The following CCDC7 variants were observed in gnomAD, a reference collection of about 807,000 sequenced individuals.
CCDC7 encodes coiled-coil domain-containing protein 7.
Under a neutral mutation model 196.9 loss-of-function variants are expected in CCDC7, and 183 were observed. That is an observed-to-expected ratio of 0.93 (90% CI 0.82 to 1.05). The LOEUF is 1.05. CCDC7 is among the 50% of genes least tolerant of loss of function. CCDC7 has a pLI of 0.00. For missense variants in CCDC7, 1,540 were observed against 1,482.2 expected, an observed-to-expected ratio of 1.04 and a Z score of -0.64; for synonymous variants, 525 against 484.6, an observed-to-expected ratio of 1.08 and a Z score of -1.10.
intron 8 of CCDC7, among the ~76,000 whole-genome samples, chr10:32,485,883 C>A (rs2040966123): frequency 1.3e-5 from 2 of 152,238 alleles, no homozygotes; most frequent in Admixed American, 1.3e-4. Flanking sequence ...AATTTCTGTT[C>A]TTTTACATTT....
At chr10:32,663,897 C>A (rs1165044041) in intron 20 of CCDC7, among the ~76,000 whole-genome samples, 157 bp from the exon 22 acceptor site, 1 of 151,846 alleles carries the variant, frequency 6.6e-6, no homozygotes, top group Non-Finnish European at 1.5e-5. Flanking sequence ...AAGTTCTTGT[C>A]ACTATTTTCA....
At chr10:32,593,109 T>C (rs1015495192) in intron 18 of CCDC7, among the ~76,000 whole-genome samples, 2 of 152,238 alleles carry the variant, frequency 1.3e-5, no homozygotes, top group Admixed American at 6.5e-5. Flanking sequence ...TTCTAGATCC[T>C]TGAAGAATCG....
At chr10:32,586,561 A>C (rs1435114934) in intron 18 of CCDC7, among the ~76,000 whole-genome samples, 1 of 152,154 alleles carries the variant, frequency 6.6e-6, no homozygotes, top group African/African-American at 2.4e-5. Flanking sequence ...ATAAGGTGTA[A>C]GGAAGGGATC....
chr10:32,531,430 G>T (rs993145664), intron 11 of CCDC7, among the ~76,000 whole-genome samples: 5 of 152,116 alleles, frequency 3.3e-5, no homozygotes, highest in African/African-American at 4.8e-5. Context: ...AGCCATGAAT[G>T]ATCTTTAAAG....
At chr10:32,773,776 G>C (rs953689883) in intron 28 of CCDC7, among the ~76,000 whole-genome samples, 4 of 152,054 alleles carry the variant, frequency 2.6e-5, no homozygotes, top group African/African-American at 9.7e-5. Flanking sequence ...CCTGCACATT[G>C]AGCTTTTGCA....
chr10:32,511,979 A>G (rs2046291805), intron 9 of CCDC7: 1 of 490,556 alleles, frequency 2.0e-6, no homozygotes. Context: ...GCAGGATAGG[A>G]CAATCATGTT....
At chr10:32,689,830 G>A (rs1273438167) in intron 23 of CCDC7, among the ~76,000 whole-genome samples, 3 of 152,016 alleles carry the variant, frequency 2.0e-5, no homozygotes, top group Non-Finnish European at 4.4e-5. Flanking sequence ...CGCCTCCCGG[G>A]CTCAAGTGAT....
intron 29 of CCDC7, among the ~76,000 whole-genome samples, chr10:32,785,236 T>G (rs1326393167): frequency 1.3e-5 from 2 of 152,316 alleles, no homozygotes; most frequent in East Asian, 3.9e-4. Context: ...GACTACATAT[T>G]AGGCCACACA....
At chr10:32,452,497 G>A (rs1023680697) in intron 1 of CCDC7, among the ~76,000 whole-genome samples, 2 of 152,166 alleles carry the variant, frequency 1.3e-5, no homozygotes, top group Non-Finnish European at 2.9e-5. Context: ...TCGCTCTTTC[G>A]CCCAGGCTGG....
At chr10:32,796,893 T>C (rs1404215870) in intron 29 of CCDC7, among the ~76,000 whole-genome samples, 2 of 152,184 alleles carry the variant, frequency 1.3e-5, no homozygotes, top group East Asian at 1.9e-4. Context: ...TGGTGAAATT[T>C]ACTGGCCTTT....
chr10:32,804,181 C>A (rs1293694127), intron 29 of CCDC7, among the ~76,000 whole-genome samples: 1 of 152,096 alleles, frequency 6.6e-6, no homozygotes, highest in Non-Finnish European at 1.5e-5. Context: ...AAACTTTAGT[C>A]CCAGTAGTTG....
At chr10:32,622,403 C>T (rs1285378513) in intron 18 of CCDC7, among the ~76,000 whole-genome samples, 2 of 151,800 alleles carry the variant, frequency 1.3e-5, no homozygotes, top group African/African-American at 2.4e-5. Context: ...TAACTCCATT[C>T]GAGCCTTCTC....
intron 18 of CCDC7, among the ~76,000 whole-genome samples, chr10:32,600,775 T>C (rs1234901956): frequency 6.6e-6 from 1 of 152,152 alleles, no homozygotes; most frequent in African/African-American, 2.4e-5. Context: ...AATGATACAA[T>C]AATATTGGCT....
At chr10:32,728,366 G>T (rs2083428301) in intron 26 of CCDC7, among the ~76,000 whole-genome samples, 1 of 152,126 alleles carries the variant, frequency 6.6e-6, no homozygotes, top group South Asian at 2.1e-4. Context: ...AGTAACAGCA[G>T]TCATTGGGTG....
At chr10:32,865,274 TTC>T (rs2094160451) in intron 41 of CCDC7, among the ~76,000 whole-genome samples, 3 of 151,732 alleles carry the variant, frequency 2.0e-5, no homozygotes, top group African/African-American at 7.3e-5. Context: ...AGTATATTTT[TTC>T]TAAAAGCAGA....
intron 41 of CCDC7, among the ~76,000 whole-genome samples, chr10:32,855,360 T>C (rs971009533): frequency 1.3e-5 from 2 of 152,214 alleles, no homozygotes; most frequent in African/African-American, 4.8e-5. Context: ...TTGTGCACTA[T>C]ATTTCTATTA....
chr10:32,805,920 C>T lies in CCDC7; in HGVS notation c.3097+822C>T, dbSNP rs148125151. Among the ~76,000 whole-genome samples the T allele has an allele frequency of 8.9e-3, 1,352 of 152,246 alleles. 16 individuals are homozygous for T. Among genetic ancestry groups the T allele is most frequent in the African/African-American group, 0.03 (1,229 of 41,536 alleles). On this transcript the variant is annotated intron_variant, in intron 30 of 41. Coordinates refer to ENST00000639629, the Ensembl canonical transcript of CCDC7. ...CTTGGCTTCTGGGGAGGCCTCAGGG[C>T]GCTTTTACTCACGGCAGAAAGTAAA...
At chr10:32,468,131 T>C (rs2037223707) in intron 5 of CCDC7, among the ~76,000 whole-genome samples, 2 of 152,148 alleles carry the variant, frequency 1.3e-5, no homozygotes, top group South Asian at 4.1e-4. Flanking sequence ...AGAATTTCAT[T>C]GTTAGTTTGA....
chr10:32,491,474 A>G (rs1353394988), intron 8 of CCDC7, among the ~76,000 whole-genome samples: 1 of 152,174 alleles, frequency 6.6e-6, no homozygotes, highest in Non-Finnish European at 1.5e-5. Context: ...CAGGTTAGCT[A>G]GATCCTTCCC....
Sources: gnomAD v4.1 joint callset for allele counts (sites outside exome capture counted in the v4.1 genomes callset) on GRCh38, gnomAD v4.1.1 for gene constraint, MANE v1.5 for transcripts, NCBI Gene and HGNC (gene_info 2026-07-23, HGNC 2026-07-21) for gene names.